The following USP43 variants were observed in gnomAD, a reference collection of about 807,000 sequenced individuals.
USP43 encodes ubiquitin specific peptidase 43.
USP43 carries 33 observed loss-of-function variants against 90.7 expected under a neutral mutation model. The ratio of observed to expected loss-of-function variants is 0.36; its 90% confidence interval spans 0.28 to 0.49. The LOEUF is 0.49. Among genes scored for constraint, USP43 ranks in the 20% least tolerant of loss-of-function variants. The pLI is 0.98. For synonymous variants in USP43, 598 were observed against 615.8 expected (o/e 0.97, Z 0.43); for missense variants, 1,274 against 1,476.4 (o/e 0.86, Z 2.25).
intron 2 of USP43, among the ~76,000 whole-genome samples, chr17:9,662,716 C>G (rs987520978): frequency 6.6e-6 from 1 of 152,184 alleles, no homozygotes; most frequent in African/African-American, 2.4e-5. Context: ...TTGCTACCAT[C>G]TGAGTTCAAA....
intron 2 of USP43, among the ~76,000 whole-genome samples, chr17:9,661,263 G>T (rs977168328): frequency 1.3e-5 from 2 of 152,200 alleles, no homozygotes; most frequent in African/African-American, 4.8e-5. Flanking sequence ...GGATGAGGCT[G>T]GGGAGAAGAT....
chr17:9,657,546 A>C (rs1330072039), intron 2 of USP43, among the ~76,000 whole-genome samples: 2 of 152,188 alleles, frequency 1.3e-5, no homozygotes, highest in Admixed American at 6.5e-5. Context: ...GAGACTGGGT[A>C]ATTTATAAGG....
At chr17:9,669,428 TGCTTG>T (rs1226391124) in intron 3 of USP43, among the ~76,000 whole-genome samples, 1 of 152,180 alleles carries the variant, frequency 6.6e-6, no homozygotes, top group African/African-American at 2.4e-5. Flanking sequence ...CCTGCTAATG[TGCTTG>T]GTCCAATAGT....
Position 9,674,995 on chromosome 17 carries a change from T to C in USP43, c.833+12T>C. 6.2e-7 allele frequency: 1 copy of C among 1,611,190 alleles called. No individual in the cohort carries two copies. The highest frequency in any genetic ancestry group is 8.5e-7 in the Non-Finnish European group (1 of 1,177,346). ...TTGCGCCAGACGAGGTACGTGAGTG[T>C]CGCGGCTTGCCCGGTGAACTTGACT... On this transcript the variant is annotated intron_variant, in intron 4 of 14. Coordinates refer to ENST00000285199, the MANE Select transcript of USP43 (RefSeq NM_153210.5). The surrounding 1 kb of genome is among the most constrained non-coding windows in gnomAD (Gnocchi z 4.4).
At chr17:9,654,420 G>A (rs8082517) in intron 1 of USP43, among the ~76,000 whole-genome samples, 8,460 of 152,074 alleles carry the variant, frequency 0.056, 702 homozygotes, top group African/African-American at 0.18. Flanking sequence ...AAGCCGAGGC[G>A]GGCGGGATCA....
chr17:9,699,255 C>A (rs984531644), intron 9 of USP43, among the ~76,000 whole-genome samples: 13 of 152,170 alleles, frequency 8.5e-5, no homozygotes, highest in Non-Finnish European at 1.8e-4. Flanking sequence ...TGGTTCTCCC[C>A]GTCTACAGGA....
intron 2 of USP43, among the ~76,000 whole-genome samples, chr17:9,659,427 A>G (rs1339319244): frequency 6.6e-6 from 1 of 152,124 alleles, no homozygotes; most frequent in East Asian, 1.9e-4. Context: ...GTGGAGATAG[A>G]ATTGAACCTG....
chr17:9,692,908 T>C (rs1915042150), intron 8 of USP43, among the ~76,000 whole-genome samples: 1 of 152,204 alleles, frequency 6.6e-6, no homozygotes, highest in African/African-American at 2.4e-5. Context: ...ATGTAACATA[T>C]TAAACACAGT....
intron 5 of USP43, among the ~76,000 whole-genome samples, chr17:9,678,373 T>A (rs1913923229): frequency 6.6e-6 from 1 of 152,230 alleles, no homozygotes; most frequent in Non-Finnish European, 1.5e-5. Flanking sequence ...ATTTATTTAT[T>A]TTTTGACGGA....
At chr17:9,699,845 A>T (rs914327221) in intron 9 of USP43, among the ~76,000 whole-genome samples, 4 of 152,148 alleles carry the variant, frequency 2.6e-5, no homozygotes, top group African/African-American at 9.7e-5. Flanking sequence ...AGGATGGTCA[A>T]GTGGAAGTGC....
rs113905417 is a variant in USP43, at chr17:9,664,448, C to T, written c.637-2200C>T. ...ACCCCTAATGTCACCCAGGTCTTTA[C>T]GTACACCTCACTGCCTGCCTGTTCT... On this transcript the variant is annotated intron_variant, in intron 2 of 14. Transcript: ENST00000285199. Among the ~76,000 whole-genome samples, 180 of 152,266 alleles carry T rather than the reference C, an allele frequency of 1.2e-3. 1 individual carries two copies. The highest frequency in any genetic ancestry group is 4.1e-3 in the African/African-American group (169 of 41,546).
chr17:9,698,759 G>A (rs1456574679), intron 9 of USP43, among the ~76,000 whole-genome samples: 1 of 152,162 alleles, frequency 6.6e-6, no homozygotes. Flanking sequence ...CCACTCCCAT[G>A]TTTAAATTCC....
rs1352729217 is a variant in USP43, at chr17:9,669,896, CT to C, written c.740+3146del. 5.2e-5 allele frequency: 8 copies of C among 152,532 alleles called. 1 individual carries two copies. The highest frequency in any genetic ancestry group is 4.1e-4 in the South Asian group (2 of 4,828). 9.4% of individuals were successfully genotyped at this position (152,532 alleles called of 1,614,324 possible). ...GAGCAGCTGGGATTACAGGCATGCG[CT>C]GGAGATGGCTGGAGAGGTGGGTGGG... On this transcript the variant is annotated intron_variant, in intron 3 of 14. Transcript: ENST00000285199.
At chr17:9,647,573 ATTATTCTATCACGAC>A (rs1326201868) in intron 1 of USP43, 1 of 152,206 alleles carries the variant, frequency 6.6e-6, no homozygotes, top group Non-Finnish European at 1.5e-5. Flanking sequence ...GGAAATGTTC[ATTATTCTATCACGAC>A]ACCTTCTCAC....
intron 2 of USP43, 66 bp downstream of exon 2, chr17:9,656,600 C>G (rs146195922): frequency 6.7e-7 from 1 of 1,500,090 alleles, no homozygotes; most frequent in African/African-American, 1.4e-5. Context: ...ATTGACTCAG[C>G]TCCTCAAAAC....
rs1597907434 is a variant in USP43, at chr17:9,729,085, G to A, written c.*95G>A. On this transcript the variant is annotated 3_prime_UTR_variant, in exon 15 of 15. Coordinates refer to ENST00000285199, the MANE Select transcript of USP43 (RefSeq NM_153210.5). ...TTGAGAATGGGTTTCCAGGAAACCC[G>A]TTGTCTTGTAATCTCTAAAAAAAAA... 3.1e-6 allele frequency: 4 copies of A among 1,288,616 alleles called. No homozygotes were observed. The East Asian group carries it at 8.1e-5, about 26-fold the overall frequency. The allele number at this position is 1,288,616 out of a possible 1,614,324, so 79.8% of individuals were successfully genotyped here. A position where few individuals can be genotyped will look rare whatever the true frequency, so the allele number is the denominator to read the frequency against.
chr17:9,647,061 C>CAAAAAAAAAAAAA (rs11305216), intron 1 of USP43: 2 of 79,814 alleles, frequency 2.5e-5, no homozygotes, highest in African/African-American at 9.3e-5. Context: ...TTGCTTCCTG[C>CAAAAAAAAAAAAA]AAAAAAAAAA....
At chr17:9,715,544 CTG>C (rs913686465) in intron 14 of USP43, among the ~76,000 whole-genome samples, 6 of 147,120 alleles carry the variant, frequency 4.1e-5, no homozygotes, top group Admixed American at 1.3e-4. Context: ...GTGTGTGTGT[CTG>C]TGTCTTTGTG....
intron 14 of USP43, among the ~76,000 whole-genome samples, chr17:9,719,951 C>A (rs966168931): frequency 6.6e-6 from 1 of 152,090 alleles, no homozygotes; most frequent in Non-Finnish European, 1.5e-5. Context: ...ACTGCGATCC[C>A]AGCTACTCAG....
Sources: gnomAD v4.1 joint callset for allele counts (sites outside exome capture counted in the v4.1 genomes callset) on GRCh38, gnomAD v4.1.1 for gene constraint, Gnocchi (gnomAD v3.1) non-coding constraint, MANE v1.5 for transcripts, NCBI Gene and HGNC (gene_info 2026-07-23, HGNC 2026-07-21) for gene names.